Variants in NTRK2 observed in about 807,000 individuals in gnomAD.
NTRK2 encodes the protein BDNF/NT-3 growth factors receptor.
A neutral mutation model predicts 94.5 loss-of-function variants in NTRK2; 13 were observed. The ratio of observed to expected loss-of-function variants is 0.14; its 90% confidence interval spans 0.09 to 0.22. The LOEUF (loss-of-function observed/expected upper bound fraction) is 0.22, where lower values mean the gene tolerates loss of function less well. NTRK2 is among the 10% of genes least tolerant of loss of function. The probability of loss-of-function intolerance (pLI) is 1.00; values close to 1 mark genes in which losing one functional copy is unlikely to be tolerated. For missense variants in NTRK2, 639 were observed against 1,071.2 expected, an observed-to-expected ratio of 0.60 and a Z score of 5.63; for synonymous variants, 372 against 407.4, an observed-to-expected ratio of 0.91 and a Z score of 1.05.
At chr9:84,919,904 G>C (rs919226632) in intron 14 of NTRK2, among the ~76,000 whole-genome samples, 1 of 152,132 alleles carries the variant, frequency 6.6e-6, no homozygotes, top group African/African-American at 2.4e-5. Flanking sequence ...CCTAGAAAAA[G>C]GAAATCAAAG....
chr9:84,891,983 G>A (rs1192928710), intron 14 of NTRK2, among the ~76,000 whole-genome samples: 1 of 152,110 alleles, frequency 6.6e-6, no homozygotes, highest in East Asian at 1.9e-4. Flanking sequence ...TATAGGCTAG[G>A]AGAGCTGCAG....
intron 14 of NTRK2, among the ~76,000 whole-genome samples, chr9:84,929,452 A>T (rs2077943538): frequency 6.6e-6 from 1 of 152,142 alleles, no homozygotes; most frequent in South Asian, 2.1e-4. Context: ...TTCCTTTGGC[A>T]GGGTGAATTT....
At chr9:84,997,502 A>G (rs1460717880) in intron 17 of NTRK2, among the ~76,000 whole-genome samples, 1 of 152,160 alleles carries the variant, frequency 6.6e-6, no homozygotes, top group Non-Finnish European at 1.5e-5. Flanking sequence ...CAGAATGGAG[A>G]TCTAGTCAAA....
In NTRK2 at chr9:84,950,197, T is replaced by C. The variant is rs3780648; in HGVS notation, c.1937+1563T>C. 1.6e-4 allele frequency among the ~76,000 whole-genome samples: 25 copies of C among 152,330 alleles called. No homozygotes were observed. In the East Asian group the frequency reaches 3.9e-3, roughly 24 times the overall value. On this transcript the variant is annotated intron_variant, in intron 16 of 18. Coordinates refer to ENST00000277120, the MANE Select transcript of NTRK2 (RefSeq NM_006180.6). ...GCAGACGCTTGAATTCTGCCAGGAA[T>C]GATGTCAGCTGGTAAACCAGCTGCC...
chr9:84,768,151 C>G (rs1202340570), intron 12 of NTRK2, among the ~76,000 whole-genome samples: 10 of 152,124 alleles, frequency 6.6e-5, no homozygotes, highest in Admixed American at 3.9e-4. Flanking sequence ...CAGATTCTTA[C>G]CAATTTCAAC....
At chr9:84,813,699 C>G in intron 12 of NTRK2, 1 of 1,066,206 alleles carries the variant, frequency 9.4e-7, no homozygotes, top group Non-Finnish European at 1.1e-6. Context: ...GTTGGTCCTA[C>G]TCCCGTGTGG....
rs144895050 is a variant in NTRK2 at position 84,800,824 on chromosome 9, C to T, written c.1396+48739C>T. On this transcript the variant is annotated intron_variant, in intron 12 of 18. Transcript: ENST00000277120. ...TCTCAAGCTGGGGTTCTGGGGCCTT[C>T]CTCCAGGAACCTAAAGACTTCTTTC... Among the ~76,000 whole-genome samples, 183 of 152,258 alleles carry T rather than the reference C, an allele frequency of 1.2e-3. 1 individual carries two copies. The highest frequency in any genetic ancestry group is 4.4e-3 in the African/African-American group (182 of 41,546).
chr9:84,679,780 A>AG (rs2059281588), intron 2 of NTRK2, among the ~76,000 whole-genome samples: 1 of 152,234 alleles, frequency 6.6e-6, no homozygotes, highest in African/African-American at 2.4e-5. Context: ...GTGGCTAAAC[A>AG]GCAGAAACCT....
At chr9:84,786,829 A>G (rs2068161441) in intron 12 of NTRK2, among the ~76,000 whole-genome samples, 1 of 152,142 alleles carries the variant, frequency 6.6e-6, no homozygotes, top group Non-Finnish European at 1.5e-5. Flanking sequence ...GCTCTACTAC[A>G]AAGAATTTTG....
chr9:84,860,931 ATTTTTG>A, intron 12 of NTRK2, 103 bp from the exon 13 acceptor site: 1 of 448,542 alleles, frequency 2.2e-6, no homozygotes. Flanking sequence ...TTATTTATTT[ATTTTTG>A]TCGGGGGGAG....
At chr9:84,945,405 C>T (rs1034123695) in intron 15 of NTRK2, among the ~76,000 whole-genome samples, 3 of 152,172 alleles carry the variant, frequency 2.0e-5, no homozygotes, top group Admixed American at 6.5e-5. Context: ...CACCATTACG[C>T]AAGTGCAAGT....
chr9:84,938,779 G>C (rs556856243), intron 15 of NTRK2, among the ~76,000 whole-genome samples: 1 of 152,064 alleles, frequency 6.6e-6, no homozygotes, highest in South Asian at 2.1e-4. Context: ...CACCAGGTGT[G>C]GTGGCTCATG....
At chr9:84,753,029 A>G (rs1214152716) in intron 12 of NTRK2, among the ~76,000 whole-genome samples, 2 of 152,312 alleles carry the variant, frequency 1.3e-5, no homozygotes, top group South Asian at 2.1e-4. Flanking sequence ...TTCAGTAGCA[A>G]TAAGTTGCCC....
At chr9:84,880,990 TGCATTATCA>T (rs1375187707) in intron 14 of NTRK2, among the ~76,000 whole-genome samples, 1 of 152,254 alleles carries the variant, frequency 6.6e-6, no homozygotes, top group Non-Finnish European at 1.5e-5. Context: ...TGAACCTCTA[TGCATTATCA>T]GCTACAAAGC....
intron 2 of NTRK2, among the ~76,000 whole-genome samples, chr9:84,696,348 A>G (rs1362008463): frequency 6.6e-6 from 1 of 152,174 alleles, no homozygotes; most frequent in African/African-American, 2.4e-5. Context: ...AGTGGGTTTG[A>G]ATATGTTGTG....
chr9:84,739,994 G>T (rs77760894), intron 9 of NTRK2, among the ~76,000 whole-genome samples: 23 of 152,322 alleles, frequency 1.5e-4, no homozygotes, highest in African/African-American at 5.3e-4. Flanking sequence ...TGGAAGGCTG[G>T]ATTTGAAGTT....
intron 14 of NTRK2, among the ~76,000 whole-genome samples, chr9:84,931,736 A>AAAAAAAAAAAAAAAAAT: frequency 6.6e-6 from 1 of 152,012 alleles, no homozygotes; most frequent in Admixed American, 6.5e-5. Flanking sequence ...AAAAACAAAA[A>AAAAAAAAAAAAAAAAAT]AAACCAACGT....
At chr9:84,851,962 G>C (rs111755045) in intron 12 of NTRK2, among the ~76,000 whole-genome samples, 12 of 152,280 alleles carry the variant, frequency 7.9e-5, no homozygotes, top group African/African-American at 2.9e-4. Flanking sequence ...AATTGCAAAG[G>C]CGTTTCTAAA....
At chr9:84,853,216 C>A (rs1353558314) in intron 12 of NTRK2, among the ~76,000 whole-genome samples, 1 of 152,134 alleles carries the variant, frequency 6.6e-6, no homozygotes, top group Non-Finnish European at 1.5e-5. Context: ...ATGTTTAGTC[C>A]TATAGACTTT....
Sources: gnomAD v4.1 joint callset for allele counts (sites outside exome capture counted in the v4.1 genomes callset) on GRCh38, gnomAD v4.1.1 for gene constraint, MANE v1.5 for transcripts, NCBI Gene and HGNC (gene_info 2026-07-23, HGNC 2026-07-21) for gene names.